CFAP54: variants seen among roughly 807,000 people sequenced by gnomAD.
The protein encoded by CFAP54 is cilia and flagella associated protein 54, also known as cilia- and flagella-associated protein 54.
In CFAP54, 290 loss-of-function variants were observed where a neutral mutation model predicts 370.4. That is an observed-to-expected ratio of 0.78 (90% CI 0.71 to 0.86). The LOEUF (loss-of-function observed/expected upper bound fraction) is 0.86, where lower values mean the gene tolerates loss of function less well. Ranked by LOEUF, CFAP54 falls within the 40% of genes least tolerant of loss-of-function variation. The probability of loss-of-function intolerance (pLI) is 0.00; values close to 1 mark genes in which losing one functional copy is unlikely to be tolerated. For synonymous variants in CFAP54, 1,206 were observed against 1,236.5 expected, an observed-to-expected ratio of 0.98 and a Z score of 0.52; for missense variants, 3,399 against 3,528.7, an observed-to-expected ratio of 0.96 and a Z score of 0.93.
intron 26 of CFAP54, among the ~76,000 whole-genome samples, chr12:96,605,653 G>C (rs1956291937): frequency 6.6e-6 from 1 of 152,154 alleles, no homozygotes; most frequent in African/African-American, 2.4e-5. Context: ...TTTGTGTCAG[G>C]CACTGGTTTG....
At chr12:96,818,550 A>G (rs1392627776) in intron 65 of CFAP54, among the ~76,000 whole-genome samples, 6 of 152,194 alleles carry the variant, frequency 3.9e-5, no homozygotes, top group African/African-American at 1.4e-4. Flanking sequence ...TTGGCTTTAG[A>G]TCTGTGGCCA....
At chr12:96,752,026 C>G (rs1258317145) in intron 55 of CFAP54, among the ~76,000 whole-genome samples, 2 of 149,650 alleles carry the variant, frequency 1.3e-5, no homozygotes, top group African/African-American at 4.9e-5. Flanking sequence ...TCCGTATTCT[C>G]ATCAGTGTGC....
intron 17 of CFAP54, among the ~76,000 whole-genome samples, chr12:96,555,493 A>G (rs2136401974): frequency 6.6e-6 from 1 of 150,790 alleles, no homozygotes; most frequent in African/African-American, 2.4e-5. Context: ...TTCTTTCCAG[A>G]TTATATGATT....
intron 5 of CFAP54, among the ~76,000 whole-genome samples, chr12:96,517,690 T>C (rs1955252799): frequency 6.6e-6 from 1 of 152,196 alleles, no homozygotes; most frequent in South Asian, 2.1e-4. Flanking sequence ...CTTAGTCTAA[T>C]TTAGAAGAGG....
At chr12:96,639,151 G>A (rs1226347923) in intron 32 of CFAP54, among the ~76,000 whole-genome samples, 1 of 151,962 alleles carries the variant, frequency 6.6e-6, no homozygotes, top group Non-Finnish European at 1.5e-5. Context: ...CTGGTTTTTT[G>A]AAAAGATCAA....
rs1192816524 is a variant in CFAP54, at chr12:96,594,288, C to T, written c.3361-3C>T. 1.3e-6 allele frequency: 2 copies of T among 1,505,326 alleles called. No individual in the cohort carries two copies. Among genetic ancestry groups the T allele is most frequent in the Non-Finnish European group, 1.8e-6 (2 of 1,126,620 alleles). The allele number at this position is 1,505,326 out of a possible 1,614,324, so 93.2% of individuals were successfully genotyped here. ...CTGAGTAACAATGCCTGTTTCTTTACAGATTGCCAGACTGATTGAATGTGA... is the reference window on the plus strand; with the variant it reads ...CTGAGTAACAATGCCTGTTTCTTTATAGATTGCCAGACTGATTGAATGTGA... On this transcript the variant is annotated splice_region_variant and splice_polypyrimidine_tract_variant and intron_variant, in intron 24 of 67. Coordinates refer to ENST00000524981, the MANE Select transcript of CFAP54 (RefSeq NM_001306084.2).
intron 17 of CFAP54, among the ~76,000 whole-genome samples, chr12:96,561,206 A>C (rs1180660374): frequency 6.6e-6 from 1 of 152,126 alleles, no homozygotes; most frequent in Non-Finnish European, 1.5e-5. Context: ...GGTTGGAGGT[A>C]ATTGCATAAT....
intron 50 of CFAP54, among the ~76,000 whole-genome samples, chr12:96,738,570 C>T (rs1958007912): frequency 6.7e-6 from 1 of 149,296 alleles, no homozygotes; most frequent in Non-Finnish European, 1.5e-5. Flanking sequence ...TGTGTCCTCA[C>T]ATAACCTTCC....
At chr12:96,491,631 A>G (rs1398149434) in intron 1 of CFAP54, among the ~76,000 whole-genome samples, 1 of 152,230 alleles carries the variant, frequency 6.6e-6, no homozygotes, top group Non-Finnish European at 1.5e-5. Context: ...CTGGTGTACT[A>G]GAAGCAGGTA....
intron 63 of CFAP54, among the ~76,000 whole-genome samples, chr12:96,800,025 G>A (rs190320283): frequency 5.3e-5 from 8 of 152,210 alleles, no homozygotes. Flanking sequence ...ATTCGGAGAG[G>A]GTTTGGAAAT....
chr12:96,817,514 A>G (rs1229170009), intron 64 of CFAP54, among the ~76,000 whole-genome samples: 1 of 150,296 alleles, frequency 6.7e-6, no homozygotes, highest in East Asian at 2.0e-4. Flanking sequence ...TCTGCCTCCC[A>G]GGTTCACGCC....
chr12:96,850,004 C>G (rs899272439), intron 66 of CFAP54, among the ~76,000 whole-genome samples: 4 of 152,080 alleles, frequency 2.6e-5, no homozygotes, highest in Non-Finnish European at 5.9e-5. Context: ...AACAAGCAAG[C>G]AAACATAAAA....
intron 60 of CFAP54, among the ~76,000 whole-genome samples, chr12:96,776,460 T>G (rs1958519161): frequency 6.6e-6 from 1 of 152,192 alleles, no homozygotes; most frequent in South Asian, 2.1e-4. Context: ...ATATTACAGA[T>G]CTCATTAATG....
intron 39 of CFAP54, among the ~76,000 whole-genome samples, chr12:96,668,962 G>T (rs1302311088): frequency 1.3e-5 from 2 of 152,140 alleles, no homozygotes; most frequent in Non-Finnish European, 2.9e-5. Context: ...CCTGTACTAG[G>T]TACTGAGGAT....
In CFAP54 at chr12:96,517,723, T is replaced by C. The variant is rs1955253521; in HGVS notation, c.799-1205T>C. 4.6e-5 allele frequency among the ~76,000 whole-genome samples: 7 copies of C among 152,348 alleles called. No homozygotes were observed. The South Asian group carries it at 1.0e-3, about 23-fold the overall frequency. On this transcript the variant is annotated intron_variant, in intron 5 of 67. Transcript: ENST00000524981. The stretch of plus-strand genomic sequence containing the variant: ...AGGTACAGTGTCCACAACCAGGGAC[T>C]GAAAGCATTCACTGTACTGTGGTCT...
intron 38 of CFAP54, among the ~76,000 whole-genome samples, chr12:96,658,681 A>C (rs986561768): frequency 6.6e-6 from 1 of 151,898 alleles, no homozygotes; most frequent in Non-Finnish European, 1.5e-5. Context: ...GCTGGAGTGC[A>C]GTGGTATAAT....
chr12:96,669,447 A>C (rs943151704), intron 39 of CFAP54, among the ~76,000 whole-genome samples: 9 of 152,348 alleles, frequency 5.9e-5, no homozygotes, highest in Admixed American at 1.3e-4. Flanking sequence ...GAGAGTGGCC[A>C]CTGCTTTCTT....
chr12:96,598,697 C>A lies in CFAP54; in HGVS notation c.3569C>A (p.Ser1190Ter). ...VLQGLPSIVC[S>*]KKHTASFESI... ...CAAGGACTACCAAGTATTGTCTGCT[C>A]GAAGAAACATACTGCGAGCTTTGAA... is the stretch of plus-strand genomic sequence containing the variant. Residue 1190 changes from serine (S) to a stop codon, truncating the protein, a stop_gained, in exon 26 of 68, where the codon TCG (serine) becomes TAG (stop). Coordinates refer to ENST00000524981, the MANE Select transcript of CFAP54 (RefSeq NM_001306084.2). LOFTEE classifies it high-confidence loss of function. The A allele has an allele frequency of 1.5e-6, 1 of 678,726 alleles. No homozygotes were observed. The highest frequency in any genetic ancestry group is 2.7e-6 in the Non-Finnish European group (1 of 371,658). 42.0% of individuals were successfully genotyped at this position (678,726 alleles called of 1,614,324 possible).
chr12:96,613,025 T>C (rs893805761), intron 26 of CFAP54, among the ~76,000 whole-genome samples: 2 of 152,186 alleles, frequency 1.3e-5, no homozygotes, highest in African/African-American at 4.8e-5. Flanking sequence ...GCAGACCTAA[T>C]AGACATCTAC....
Sources: gnomAD v4.1 joint callset for allele counts (sites outside exome capture counted in the v4.1 genomes callset) on GRCh38, gnomAD v4.1.1 for gene constraint, MANE v1.5 for transcripts, NCBI Gene and HGNC (gene_info 2026-07-23, HGNC 2026-07-21) for gene names.